Variants in KCNG3 observed in about 807,000 individuals in gnomAD.
KCNG3 encodes the protein voltage-gated potassium channel regulatory subunit KCNG3.
In KCNG3, 15 loss-of-function variants were observed where a neutral mutation model predicts 29.0. That is an observed-to-expected ratio of 0.52 (90% CI 0.35 to 0.80). KCNG3 has a LOEUF of 0.80. Among genes scored for constraint, KCNG3 ranks in the 30% least tolerant of loss-of-function variants. The probability of loss-of-function intolerance (pLI) is 0.01; values close to 1 mark genes in which losing one functional copy is unlikely to be tolerated. For missense variants in KCNG3, 512 were observed against 605.7 expected (o/e 0.85, Z 1.62); for synonymous variants, 322 against 248.9 (o/e 1.29, Z -2.76).
At chr2:42,452,505 C>T (rs1367915817) in intron 1 of KCNG3, among the ~76,000 whole-genome samples, 4 of 151,630 alleles carry the variant, frequency 2.6e-5, no homozygotes, top group Non-Finnish European at 5.9e-5. Context: ...TAACCATACC[C>T]ACTTCCCCAC....
intron 1 of KCNG3, among the ~76,000 whole-genome samples, chr2:42,460,022 G>C (rs927518434): frequency 6.6e-6 from 1 of 150,880 alleles, no homozygotes; most frequent in Admixed American, 6.6e-5. Context: ...ACCAGATGAA[G>C]GGTAAAACAG....
the KCNG3 span, among the ~76,000 whole-genome samples, chr2:42,406,596 G>A: frequency 1.3e-5 from 2 of 151,084 alleles, no homozygotes; most frequent in Non-Finnish European, 3.0e-5. Flanking sequence ...GGAGGCTGAG[G>A]TGGGTGGATC....
chr2:42,464,806 T>A (rs528480191), intron 1 of KCNG3, among the ~76,000 whole-genome samples: 131 of 152,298 alleles, frequency 8.6e-4, no homozygotes, highest in Middle Eastern at 3.4e-3. Flanking sequence ...CCTACAGCAG[T>A]CAGTGCTTAT....
At chr2:42,483,722 T>C (rs186514957) in intron 1 of KCNG3, among the ~76,000 whole-genome samples, 8 of 152,326 alleles carry the variant, frequency 5.3e-5, no homozygotes, top group Admixed American at 1.3e-4. Flanking sequence ...GGCACATCCA[T>C]GCAGTGGAAT....
chr2:42,449,514 C>CTTT (rs36088470), intron 1 of KCNG3, among the ~76,000 whole-genome samples: 19 of 99,442 alleles, frequency 1.9e-4, no homozygotes, highest in Non-Finnish European at 2.5e-4. Flanking sequence ...ACTGAGATTT[C>CTTT]TTTTTTTTTT....
the KCNG3 span, among the ~76,000 whole-genome samples, chr2:42,414,989 T>C: frequency 7.2e-5 from 11 of 152,252 alleles, no homozygotes; most frequent in Non-Finnish European, 1.3e-4. Flanking sequence ...ATGGGCCTAC[T>C]GTTTATATTT....
intron 1 of KCNG3, among the ~76,000 whole-genome samples, chr2:42,458,199 T>G (rs2103684948): frequency 6.6e-6 from 1 of 152,310 alleles, no homozygotes; most frequent in Middle Eastern, 3.4e-3. Flanking sequence ...TCTCTCAAAG[T>G]CATTGGGATT....
intron 1 of KCNG3, among the ~76,000 whole-genome samples, chr2:42,491,347 A>C (rs1277877178): frequency 6.6e-6 from 1 of 152,106 alleles, no homozygotes; most frequent in African/African-American, 2.4e-5. Context: ...GGTTTTGCTC[A>C]TATACTGGTT....
intron 1 of KCNG3, among the ~76,000 whole-genome samples, chr2:42,462,801 A>G (rs1261308985): frequency 6.6e-6 from 1 of 152,250 alleles, no homozygotes; most frequent in African/African-American, 2.4e-5. Context: ...ATTATCAGGA[A>G]GTCACAGTTT....
intron 1 of KCNG3, among the ~76,000 whole-genome samples, chr2:42,487,611 A>G (rs556015085): frequency 1.3e-5 from 2 of 152,344 alleles, no homozygotes; most frequent in Admixed American, 6.5e-5. Flanking sequence ...TAAAGATCAA[A>G]TACTTTGCAG....
At chr2:42,463,591 C>A in intron 1 of KCNG3, 1 of 171,948 alleles carries the variant, frequency 5.8e-6, no homozygotes, top group Non-Finnish European at 1.2e-5. Flanking sequence ...CAGGGCACCC[C>A]AGATTGAAGC....
rs1673248355 is a variant in KCNG3, at chr2:42,470,055, C to T, written c.665+22782G>A. The T allele has an allele frequency of 6.7e-5, 34 of 511,118 alleles. No individual in the cohort carries two copies. The South Asian group carries it at 8.3e-4, about 13-fold the overall frequency. 31.7% of individuals were successfully genotyped at this position (511,118 alleles called of 1,614,324 possible). On this transcript the variant is annotated intron_variant, in intron 1 of 1. Transcript: ENST00000306078. ...ATTCTTAAGTCCAAAGGACTTGCTC[C>T]TGATCTCCCTGAAGATCTCTACCAT...
chr2:42,482,206 G>T (rs1376304273), intron 1 of KCNG3, among the ~76,000 whole-genome samples: 1 of 152,200 alleles, frequency 6.6e-6, no homozygotes, highest in Non-Finnish European at 1.5e-5. Context: ...TACATAGTCG[G>T]TGCTCAATAA....
chr2:42,489,524 G>A (rs571767070), intron 1 of KCNG3, among the ~76,000 whole-genome samples: 4 of 152,168 alleles, frequency 2.6e-5, no homozygotes, highest in African/African-American at 7.2e-5. Flanking sequence ...TAACCATCAC[G>A]CTAAGAAGGA....
the KCNG3 span, among the ~76,000 whole-genome samples, chr2:42,432,952 A>C: frequency 1.1e-4 from 16 of 147,186 alleles, no homozygotes; most frequent in South Asian, 2.3e-4. Context: ...AAAAAAACAA[A>C]AAAACAAAAA....
At chr2:42,468,382 A>G (rs1317793104) in intron 1 of KCNG3, among the ~76,000 whole-genome samples, 7 of 152,206 alleles carry the variant, frequency 4.6e-5, no homozygotes, top group East Asian at 3.8e-4. Context: ...AAATTGAACC[A>G]TCATAAATTA....
intron 1 of KCNG3, among the ~76,000 whole-genome samples, chr2:42,460,705 G>C (rs1387872324): frequency 2.0e-5 from 3 of 152,130 alleles, no homozygotes; most frequent in African/African-American, 7.2e-5. Context: ...AAACACAGAT[G>C]TGAGCAGATG....
chr2:42,464,530 C>G lies in KCNG3; in HGVS notation c.666-19951G>C, dbSNP rs76715096. Among the ~76,000 whole-genome samples, 537 of 152,324 alleles carry G rather than the reference C, an allele frequency of 3.5e-3. 5 individuals carry two copies. The highest frequency in any genetic ancestry group is 0.012 in the African/African-American group (499 of 41,564). The stretch of plus-strand genomic sequence containing the variant: ...GAATACTCTGAGTACTGAGGTATTG[C>G]TGACTCCTAACTCTCCACAGATAAC... On this transcript the variant is annotated intron_variant, in intron 1 of 1. Transcript: ENST00000306078.
chr2:42,412,649 A>G, the KCNG3 span, among the ~76,000 whole-genome samples: 1 of 152,202 alleles, frequency 6.6e-6, no homozygotes, highest in East Asian at 1.9e-4. Context: ...ACCTTTGTGC[A>G]TATTTCTGCT....
Sources: gnomAD v4.1 joint callset for allele counts (sites outside exome capture counted in the v4.1 genomes callset) on GRCh38, gnomAD v4.1.1 for gene constraint, MANE v1.5 for transcripts, NCBI Gene and HGNC (gene_info 2026-07-23, HGNC 2026-07-21) for gene names.